The following AKAP8L variants were observed in gnomAD, a reference collection of about 807,000 sequenced individuals.
The protein encoded by AKAP8L is A-kinase anchor protein 8-like.
Under a neutral mutation model 77.5 loss-of-function variants are expected in AKAP8L, and 34 were observed. That is an observed-to-expected ratio of 0.44 (90% CI 0.33 to 0.58). The LOEUF (loss-of-function observed/expected upper bound fraction) is 0.58, where lower values mean the gene tolerates loss of function less well. Among genes scored for constraint, AKAP8L ranks in the 20% least tolerant of loss-of-function variants. AKAP8L has a pLI of 0.02. For missense variants in AKAP8L, 806 were observed against 887.6 expected (o/e 0.91, Z 1.17); for synonymous variants, 342 against 340.7 (o/e 1.00, Z -0.04).
At chr19:15,386,071 C>T (rs1461961772) in intron 12 of AKAP8L, among the ~76,000 whole-genome samples, 17 of 151,836 alleles carry the variant, frequency 1.1e-4, no homozygotes, top group Admixed American at 2.0e-4. Context: ...TCACTACGCC[C>T]GGCTAATTTT....
chr19:15,406,352 G>T (rs1399519294), intron 2 of AKAP8L, among the ~76,000 whole-genome samples: 2 of 83,454 alleles, frequency 2.4e-5, no homozygotes, highest in African/African-American at 5.8e-5. Context: ...GTTGACAAAA[G>T]AAATTTTAAG....
At chr19:15,387,762 C>T (rs1364281010) in intron 12 of AKAP8L, among the ~76,000 whole-genome samples, 1 of 152,144 alleles carries the variant, frequency 6.6e-6, no homozygotes, top group Non-Finnish European at 1.5e-5. Flanking sequence ...AGTTCGAGAC[C>T]AGCCTGGCCA....
chr19:15,416,559 A>T (rs941439155), intron 1 of AKAP8L, among the ~76,000 whole-genome samples: 3 of 152,150 alleles, frequency 2.0e-5, no homozygotes, highest in Non-Finnish European at 2.9e-5. Context: ...CTTTCAGATG[A>T]CTCTAGTCCA....
rs45541735 is a variant in AKAP8L at position 15,397,159 on chromosome 19, C to A, written c.1527G>T (p.Arg509=). Residue 509 remains arginine (R), a synonymous_variant, in exon 12 of 14, where the codon CGG becomes CGT. Coordinates refer to ENST00000397410, the MANE Select transcript of AKAP8L (RefSeq NM_014371.4). The surrounding 1 kb of genome is among the most constrained non-coding windows in gnomAD (Gnocchi z 4.7). ...CACTGTGGCCACTCACCCTGCGGTT[C>A]CGGTTGTGATCCATGGTCTTCAGAT... ...QKHLKTMDHN[R]NRRLMMEQSK... is the part of the protein sequence containing the mutation. 1 of 1,613,876 alleles carries A rather than the reference C, an allele frequency of 6.2e-7. No individual in the cohort carries two copies. Among genetic ancestry groups the A allele is most frequent in the South Asian group, 1.1e-5 (1 of 91,070 alleles).
chr19:15,383,371 G>C lies in AKAP8L; in HGVS notation c.1537-2759C>G, dbSNP rs57113875. 6 of 152,178 alleles carry C rather than the reference G, an allele frequency of 3.9e-5. No individual in the cohort carries two copies. In the East Asian group the frequency reaches 9.6e-4, roughly 24 times the overall value. 9.4% of individuals were successfully genotyped at this position (152,178 alleles called of 1,614,324 possible). A position where few individuals can be genotyped will look rare whatever the true frequency, so the allele number is the denominator to read the frequency against. On this transcript the variant is annotated intron_variant, in intron 12 of 13. Transcript: ENST00000397410. The stretch of plus-strand genomic sequence containing the variant: ...ACTATAGGCACTCACCACCATGCTT[G>C]GCTAATTTTTTATTTTTTGTAGAGA...
intron 2 of AKAP8L, among the ~76,000 whole-genome samples, chr19:15,410,080 C>A (rs187880722): frequency 6.6e-6 from 1 of 152,130 alleles, no homozygotes; most frequent in East Asian, 1.9e-4. Flanking sequence ...GTAGCTGCGA[C>A]CACAGGCACA....
chr19:15,401,711 G>T lies in AKAP8L; in HGVS notation c.363-108C>A. On this transcript the variant is annotated intron_variant, in intron 4 of 13. Coordinates refer to ENST00000397410, the MANE Select transcript of AKAP8L (RefSeq NM_014371.4). The surrounding 1 kb of genome is among the most constrained non-coding windows in gnomAD (Gnocchi z 6.2). ...CCCAGTCCAGCACCCACCCTGCCCT[G>T]GTTGGGAGGCTCAATGTTCAGAAAT... 1 of 874,102 alleles carries T rather than the reference G, an allele frequency of 1.1e-6. No homozygotes were observed. Among genetic ancestry groups the T allele is most frequent in the Non-Finnish European group, 1.7e-6 (1 of 585,890 alleles). The allele number at this position is 874,102 out of a possible 1,614,324, so 54.1% of individuals were successfully genotyped here.
Position 15,398,187 on chromosome 19 carries a change from C to T in AKAP8L, c.1158-332G>A, listed in dbSNP as rs750711239. The T allele has an allele frequency of 2.3e-5, 8 of 354,738 alleles. No individual in the cohort carries two copies. Among genetic ancestry groups the T allele is most frequent in the African/African-American group, 8.3e-5 (4 of 48,290 alleles). The allele number at this position is 354,738 out of a possible 1,614,324, so 22.0% of individuals were successfully genotyped here. On this transcript the variant is annotated intron_variant, in intron 9 of 13. Transcript: ENST00000397410. The surrounding 1 kb of genome is among the most constrained non-coding windows in gnomAD (Gnocchi z 9.2). Reference sequence around the variant, plus strand: ...CCTCGCTACCAAGGCTGGGCAGGAGCGTGTGCACTTGGCCCAGGTGGGGAC... The same window carrying T: ...CCTCGCTACCAAGGCTGGGCAGGAGTGTGTGCACTTGGCCCAGGTGGGGAC...
chr19:15,392,425 G>A (rs1489938774), intron 12 of AKAP8L, among the ~76,000 whole-genome samples: 1 of 152,022 alleles, frequency 6.6e-6, no homozygotes, highest in South Asian at 2.1e-4. Flanking sequence ...GAGCCCAGGA[G>A]GTTGGAGGCT....
Position 15,380,613 on chromosome 19 carries a change from C to G in AKAP8L, c.1537-1G>C. On this transcript the variant is annotated splice_acceptor_variant, in intron 12 of 13. Transcript: ENST00000397410. LOFTEE classifies it high-confidence loss of function. Reference sequence around the variant, plus strand: ...ACTTCTTGGACTGCTCCATCATGAGCTGCGGGCAGGGCAGAAGGAGCTGGA... The same window carrying G: ...ACTTCTTGGACTGCTCCATCATGAGGTGCGGGCAGGGCAGAAGGAGCTGGA... 1 of 1,613,342 alleles carries G rather than the reference C, an allele frequency of 6.2e-7. No homozygotes were observed. The highest frequency in any genetic ancestry group is 8.5e-7 in the Non-Finnish European group (1 of 1,179,838).
chr19:15,414,189 C>T (rs1275149966), intron 1 of AKAP8L, among the ~76,000 whole-genome samples: 13 of 150,982 alleles, frequency 8.6e-5, no homozygotes, highest in African/African-American at 3.2e-4. Flanking sequence ...CTCAGCCTCC[C>T]GAGTAGCTGG....
chr19:15,386,719 C>T (rs1442545691), intron 12 of AKAP8L, among the ~76,000 whole-genome samples: 5 of 152,166 alleles, frequency 3.3e-5, no homozygotes, highest in African/African-American at 7.2e-5. Flanking sequence ...AGTGCAATGG[C>T]GTGATATCGG....
At chr19:15,387,443 CTTT>C (rs533503193) in intron 12 of AKAP8L, among the ~76,000 whole-genome samples, 1 of 149,458 alleles carries the variant, frequency 6.7e-6, no homozygotes, top group African/African-American at 2.5e-5. Context: ...ACATTGATAG[CTTT>C]TTTTTTTCTT....
rs1268802660 is a variant in AKAP8L, at chr19:15,399,977, G to A, written c.1048+318C>T. On this transcript the variant is annotated intron_variant, in intron 8 of 13. Coordinates refer to ENST00000397410, the MANE Select transcript of AKAP8L (RefSeq NM_014371.4). This position sits in a 1 kb window ranked among gnomAD's most constrained non-coding sequence, Gnocchi z 6.1. ...CACCAGCCACTGAGGACTTGGAACT[G>A]CGCGTTACTGAGGGACCGAGGGCAG... The A allele has an allele frequency of 8.4e-6, 4 of 475,520 alleles. No homozygotes were observed. Among genetic ancestry groups the A allele is most frequent in the Non-Finnish European group, 1.1e-5 (3 of 263,418 alleles). 29.5% of individuals were successfully genotyped at this position (475,520 alleles called of 1,614,324 possible). A position where few individuals can be genotyped will look rare whatever the true frequency, so the allele number is the denominator to read the frequency against.
In AKAP8L at chr19:15,399,794, G is replaced by A. The variant is rs996256358; in HGVS notation, c.1049-384C>T. ...CTGCCCACCCCCAACCGGGCACCGC[G>A]GCAACAGTGGGCTGACGCTGGATTT... is the stretch of plus-strand genomic sequence containing the variant. On this transcript the variant is annotated intron_variant, in intron 8 of 13. Transcript: ENST00000397410. This position sits in a 1 kb window ranked among gnomAD's most constrained non-coding sequence, Gnocchi z 6.1. The A allele has an allele frequency of 1.8e-5, 6 of 326,598 alleles. No individual in the cohort carries two copies. The highest frequency in any genetic ancestry group is 7.3e-5 in the East Asian group (1 of 13,790). 20.2% of individuals were successfully genotyped at this position (326,598 alleles called of 1,614,324 possible). A position where few individuals can be genotyped will look rare whatever the true frequency, so the allele number is the denominator to read the frequency against.
In AKAP8L at chr19:15,380,290, C is replaced by T. The variant is rs918823327; in HGVS notation, c.1773G>A (p.Val591=). 62 of 1,528,378 alleles carry T rather than the reference C, an allele frequency of 4.1e-5. No homozygotes were observed. Among genetic ancestry groups the T allele is most frequent in the Non-Finnish European group, 5.1e-5 (58 of 1,144,262 alleles). The allele number at this position is 1,528,378 out of a possible 1,614,324, so 94.7% of individuals were successfully genotyped here. ...GAEGVPAQPP[V]PPEPAPGAVS... ...CGGCCCCGGGGGCTGGCTCTGGGGG[C>T]ACGGGAGGCTGCGCCGGCACGCCCT... The change falls in exon 14 of 14, where the codon GTG becomes GTA. Residue 591 remains valine, a synonymous_variant. Coordinates refer to ENST00000397410, the MANE Select transcript of AKAP8L (RefSeq NM_014371.4).
rs757796733 is a variant in AKAP8L, at chr19:15,380,173, G to A, written c.1890C>T (p.Ile630=). ...GGALQRQIRG[I]PGLDVEDDEE... The stretch of plus-strand genomic sequence containing the variant: ...CGTCGTCCTCCACGTCGAGGCCCGG[G>A]ATGCCGCGGATCTGGCGTTGCAGCG... The change falls in exon 14 of 14, where the codon ATC becomes ATT. Residue 630 remains isoleucine, a synonymous_variant. Transcript: ENST00000397410. 1.3e-6 allele frequency: 2 copies of A among 1,505,538 alleles called. No individual in the cohort carries two copies. The highest frequency in any genetic ancestry group is 1.8e-6 in the Non-Finnish European group (2 of 1,135,768). 93.3% of individuals were successfully genotyped at this position (1,505,538 alleles called of 1,614,324 possible). A position where few individuals can be genotyped will look rare whatever the true frequency, so the allele number is the denominator to read the frequency against.
Position 15,398,542 on chromosome 19 carries a change from C to CGGGGTCT in AKAP8L, c.1158-694_1158-688dup. ...GGGCCTGGTGTCCACAGTAGAAGCC[C>CGGGGTCT]GGGGTCTGGGGCCTGGGCCGGAGCA... On this transcript the variant is annotated intron_variant, in intron 9 of 13. Transcript: ENST00000397410. The surrounding 1 kb of genome is among the most constrained non-coding windows in gnomAD (Gnocchi z 9.2). 1.0e-6 allele frequency: 1 copy of CGGGGTCT among 982,204 alleles called. No homozygotes were observed. The highest frequency in any genetic ancestry group is 1.2e-6 in the Non-Finnish European group (1 of 826,680). The allele number at this position is 982,204 out of a possible 1,614,324, so 60.8% of individuals were successfully genotyped here.
intron 12 of AKAP8L, chr19:15,380,842 A>G (rs1243796651): frequency 1.8e-6 from 1 of 570,696 alleles, no homozygotes; most frequent in Non-Finnish European, 3.1e-6. Context: ...ATACAGATCT[A>G]TATATCTCTA....
Sources: gnomAD v4.1 joint callset for allele counts (sites outside exome capture counted in the v4.1 genomes callset) on GRCh38, gnomAD v4.1.1 for gene constraint, Gnocchi (gnomAD v3.1) non-coding constraint, MANE v1.5 for transcripts, NCBI Gene and HGNC (gene_info 2026-07-23, HGNC 2026-07-21) for gene names.